Variants in PARD3B observed in about 807,000 individuals in gnomAD.
The protein encoded by PARD3B is par-3 family cell polarity regulator beta, also known as partitioning defective 3 homolog B.
PARD3B carries 103 observed loss-of-function variants against 130.2 expected under a neutral mutation model. That is an observed-to-expected ratio of 0.79 (90% CI 0.67 to 0.93). The LOEUF (loss-of-function observed/expected upper bound fraction) is 0.93. Ranked by LOEUF, PARD3B falls within the 40% of genes least tolerant of loss-of-function variation. The pLI, the probability that PARD3B is intolerant of heterozygous loss-of-function variation, is 0.00. For synonymous variants in PARD3B, 583 were observed against 553.2 expected, an observed-to-expected ratio of 1.05 and a Z score of -0.76; for missense variants, 1,609 against 1,499.2, an observed-to-expected ratio of 1.07 and a Z score of -1.21.
intron 20 of PARD3B, among the ~76,000 whole-genome samples, chr2:205,448,773 A>C (rs1046336085): frequency 6.6e-6 from 1 of 152,180 alleles, no homozygotes; most frequent in African/African-American, 2.4e-5. Context: ...GCTATTATCT[A>C]GTCTGCATTT....
At chr2:205,382,636 C>T (rs960683057) in intron 18 of PARD3B, among the ~76,000 whole-genome samples, 1 of 152,024 alleles carries the variant, frequency 6.6e-6, no homozygotes, top group Admixed American at 6.6e-5. Flanking sequence ...TGGTGATTTC[C>T]TGTTGCACTA....
At chr2:205,002,292 T>C (rs1017166283) in intron 3 of PARD3B, among the ~76,000 whole-genome samples, 5 of 152,192 alleles carry the variant, frequency 3.3e-5, no homozygotes, top group African/African-American at 1.2e-4. Flanking sequence ...AAGCTTTAAA[T>C]AGGTCACATT....
At chr2:205,559,476 T>G (rs2106516117) in intron 22 of PARD3B, among the ~76,000 whole-genome samples, 1 of 152,192 alleles carries the variant, frequency 6.6e-6, no homozygotes, top group African/African-American at 2.4e-5. Context: ...TACAAGGAAG[T>G]TATGGGAAAG....
intron 15 of PARD3B, among the ~76,000 whole-genome samples, chr2:205,233,822 A>G (rs115740955): frequency 0.015 from 2,209 of 152,308 alleles, 55 homozygotes; most frequent in African/African-American, 0.05. Context: ...GTAAGTTATT[A>G]GATACTGTAC....
intron 22 of PARD3B, among the ~76,000 whole-genome samples, chr2:205,578,215 A>G (rs1032856207): frequency 2.6e-5 from 4 of 152,156 alleles, no homozygotes; most frequent in African/African-American, 9.7e-5. Context: ...CTCTCTTTAC[A>G]TTGACAGTGT....
chr2:204,614,360 G>T (rs567046124), intron 1 of PARD3B, among the ~76,000 whole-genome samples: 1 of 152,064 alleles, frequency 6.6e-6, no homozygotes, highest in South Asian at 2.1e-4. Flanking sequence ...TATACTTAGA[G>T]TATATCTCAA....
rs907616560 is a variant in PARD3B at position 205,108,967 on chromosome 2, C to A, written c.593+4453C>A. Among the ~76,000 whole-genome samples the A allele has an allele frequency of 2.0e-5, 3 of 151,674 alleles. No homozygotes were observed. In the East Asian group the frequency reaches 5.8e-4, roughly 29 times the overall value. On this transcript the variant is annotated intron_variant, in intron 5 of 22. Transcript: ENST00000406610. Reference sequence around the variant, plus strand: ...TTAGTACACTGCCTCCCAAGTAATACCTTGCATTCACCGAGAATCTACTAC... The same window carrying A: ...TTAGTACACTGCCTCCCAAGTAATAACTTGCATTCACCGAGAATCTACTAC...
At chr2:205,246,915 C>T (rs2039596685) in intron 16 of PARD3B, among the ~76,000 whole-genome samples, 1 of 152,150 alleles carries the variant, frequency 6.6e-6, no homozygotes, top group South Asian at 2.1e-4. Flanking sequence ...TAAATTGCCA[C>T]ATGCTCCTTG....
intron 20 of PARD3B, among the ~76,000 whole-genome samples, chr2:205,441,449 C>T (rs2047712546): frequency 6.6e-6 from 1 of 152,154 alleles, no homozygotes; most frequent in Non-Finnish European, 1.5e-5. Flanking sequence ...TGGAATTACA[C>T]ATGCAAGGAA....
chr2:204,580,270 C>T (rs7589280), intron 1 of PARD3B, among the ~76,000 whole-genome samples: 9,161 of 152,136 alleles, frequency 0.06, 833 homozygotes, highest in African/African-American at 0.2. Context: ...TTCCATCCTC[C>T]GTCCTGGACT....
At chr2:204,550,412 C>G (rs371995730) in intron 1 of PARD3B, among the ~76,000 whole-genome samples, 4 of 144,300 alleles carry the variant, frequency 2.8e-5, no homozygotes, top group Non-Finnish European at 6.1e-5. Context: ...GGAGGGCTGA[C>G]TGTGTGTGTG....
At chr2:205,391,952 C>CT (rs1289816767) in intron 18 of PARD3B, among the ~76,000 whole-genome samples, 1 of 152,086 alleles carries the variant, frequency 6.6e-6, no homozygotes, top group Non-Finnish European at 1.5e-5. Context: ...TATCCAGTGT[C>CT]TAACAAATCT....
chr2:204,750,637 C>A (rs776078146), intron 2 of PARD3B, among the ~76,000 whole-genome samples: 1 of 152,010 alleles, frequency 6.6e-6, no homozygotes, highest in African/African-American at 2.4e-5. Context: ...TACATACACA[C>A]ACACATACAT....
chr2:205,067,126 G>GTTTTTTTTTTTTTTTTTTT (rs1575689556), intron 4 of PARD3B, among the ~76,000 whole-genome samples: 3 of 32,860 alleles, frequency 9.1e-5, no homozygotes, highest in African/African-American at 2.4e-4. Flanking sequence ...TTTTTTTTTG[G>GTTTTTTTTTTTTTTTTTTT]TTTATAGGCA....
chr2:205,449,166 CAAAAAA>C (rs757916003), intron 20 of PARD3B, among the ~76,000 whole-genome samples: 7 of 50,226 alleles, frequency 1.4e-4, no homozygotes, highest in African/African-American at 5.2e-4. Context: ...AACTCCATCT[CAAAAAA>C]AAAAAAAAAA....
chr2:205,614,142 C>T (rs890153885), intron 22 of PARD3B, among the ~76,000 whole-genome samples: 2 of 152,182 alleles, frequency 1.3e-5, no homozygotes, highest in African/African-American at 4.8e-5. Flanking sequence ...ATCTGTTTAA[C>T]CCCAGGCTAG....
rs185826949 is a variant in PARD3B at position 205,155,935 on chromosome 2, T to G, written c.1435-2787T>G. ...GGTAATGTACCCAAAGGACTATAAA[T>G]CATGCTGCTATAAAGACACATGCAC... On this transcript the variant is annotated intron_variant, in intron 10 of 22. Coordinates refer to ENST00000406610, the MANE Select transcript of PARD3B (RefSeq NM_001302769.2). Among the ~76,000 whole-genome samples, 334 of 152,268 alleles carry G rather than the reference T, an allele frequency of 2.2e-3. 4 individuals are homozygous for G. Among genetic ancestry groups the G allele is most frequent in the African/African-American group, 7.8e-3 (323 of 41,544 alleles).
In PARD3B at chr2:205,463,828, T is replaced by G. The variant is rs2048533696; in HGVS notation, c.3044+23156T>G. 6.6e-6 allele frequency among the ~76,000 whole-genome samples: 1 copy of G among 152,138 alleles called. No individual in the cohort carries two copies. The highest frequency in any genetic ancestry group is 2.4e-5 in the African/African-American group (1 of 41,440). ...GGAAAGCCAGCCACCCTTCCCCACA[T>G]ACCATGCAGCTGTTGCAGTAGCCTT... On this transcript the variant is annotated intron_variant, in intron 20 of 22. Transcript: ENST00000406610. This position sits in a 1 kb window ranked among gnomAD's most constrained non-coding sequence, Gnocchi z 4.8.
intron 15 of PARD3B, among the ~76,000 whole-genome samples, chr2:205,226,488 G>A (rs1248659111): frequency 6.6e-6 from 1 of 152,052 alleles, no homozygotes; most frequent in Non-Finnish European, 1.5e-5. Context: ...TCATGGTTTG[G>A]GGTTTTATAT....
Sources: allele counts gnomAD v4.1 joint callset (sites outside exome capture counted in the v4.1 genomes callset), GRCh38; gene constraint gnomAD v4.1.1; non-coding constraint Gnocchi (gnomAD v3.1); transcripts MANE v1.5; gene names NCBI Gene and HGNC (gene_info 2026-07-23, HGNC 2026-07-21).